Variants in KDM4C observed in about 807,000 individuals in gnomAD.
KDM4C encodes lysine-specific demethylase 4C.
KDM4C carries 81 observed loss-of-function variants against 129.3 expected under a neutral mutation model. That is an observed-to-expected ratio of 0.63 (90% CI 0.52 to 0.75). The LOEUF (loss-of-function observed/expected upper bound fraction) is 0.75, where lower values mean the gene tolerates loss of function less well. Ranked by LOEUF, KDM4C falls within the 30% of genes least tolerant of loss-of-function variation. The pLI is 0.00. For synonymous variants in KDM4C, 573 were observed against 456.1 expected, an observed-to-expected ratio of 1.26 and a Z score of -3.26; for missense variants, 1,457 against 1,304.0, an observed-to-expected ratio of 1.12 and a Z score of -1.81.
At chr9:6,722,520 T>A (rs1229882739) in intron 1 of KDM4C, among the ~76,000 whole-genome samples, 3 of 151,438 alleles carry the variant, frequency 2.0e-5, no homozygotes, top group African/African-American at 4.8e-5. Flanking sequence ...TCTATATATT[T>A]TTTTTTTTTT....
At chr9:6,791,148 A>C (rs767917125) in intron 1 of KDM4C, among the ~76,000 whole-genome samples, 1 of 151,994 alleles carries the variant, frequency 6.6e-6, no homozygotes, top group Non-Finnish European at 1.5e-5. Context: ...GTGTCACTCC[A>C]TCACCCAGGC....
intron 11 of KDM4C, among the ~76,000 whole-genome samples, chr9:6,989,660 A>T (rs527614457): frequency 5.3e-5 from 8 of 150,974 alleles, no homozygotes; most frequent in Middle Eastern, 3.4e-3. Context: ...GTGTTGCAGT[A>T]TTGTCTTCTC....
intron 19 of KDM4C, among the ~76,000 whole-genome samples, chr9:7,140,499 A>G (rs2129856056): frequency 6.6e-6 from 1 of 152,212 alleles, no homozygotes; most frequent in South Asian, 2.1e-4. Flanking sequence ...AGAGTTGGGG[A>G]CTCATAAAGA....
At chr9:6,817,118 G>T (rs1324251079) in intron 4 of KDM4C, among the ~76,000 whole-genome samples, 1 of 151,160 alleles carries the variant, frequency 6.6e-6, no homozygotes, top group African/African-American at 2.4e-5. Context: ...TAACACGAGG[G>T]TTGGGATTTG....
In KDM4C at chr9:6,880,097, T is replaced by C. The variant is rs768425327; in HGVS notation, c.679+36T>C. The C allele has an allele frequency of 1.1e-5, 15 of 1,416,866 alleles. No homozygotes were observed. The Admixed American group carries it at 2.6e-4, about 25-fold the overall frequency. 87.8% of individuals were successfully genotyped at this position (1,416,866 alleles called of 1,614,324 possible). On this transcript the variant is annotated intron_variant, in intron 6 of 21. Coordinates refer to ENST00000381309, the MANE Select transcript of KDM4C (RefSeq NM_015061.6). ...CTTTTTAAATTTGTTTTCTGTGTTT[T>C]ATATGTTTCTGTGTTTTGTAGGTTC...
At chr9:7,014,267 G>A (rs1410517450) in intron 14 of KDM4C, 2 of 341,700 alleles carry the variant, frequency 5.9e-6, no homozygotes, top group Admixed American at 4.4e-5. Context: ...GAGTCATGAT[G>A]GGGTTCCTTT....
In KDM4C at chr9:7,045,434, C is replaced by T. The variant is rs1444611638; in HGVS notation, c.2260-1428C>T. Among the ~76,000 whole-genome samples the T allele has an allele frequency of 2.6e-5, 4 of 152,148 alleles. No individual in the cohort carries two copies. The East Asian group carries it at 7.8e-4, about 29-fold the overall frequency. ...TCATTCATTTTCTTTCTCACCTCCTCTTTCTCTGTAGAAAGTGTGTTAAAT... is the reference window on the plus strand; with the variant it reads ...TCATTCATTTTCTTTCTCACCTCCTTTTTCTCTGTAGAAAGTGTGTTAAAT... On this transcript the variant is annotated intron_variant, in intron 15 of 21. Coordinates refer to ENST00000381309, the MANE Select transcript of KDM4C (RefSeq NM_015061.6).
At chr9:6,746,264 T>TATATA (rs1588058539) in intron 1 of KDM4C, among the ~76,000 whole-genome samples, 41 of 23,294 alleles carry the variant, frequency 1.8e-3, no homozygotes, top group African/African-American at 3.9e-3. Flanking sequence ...ATATATATGT[T>TATATA]TTTTTTTTTT....
intron 8 of KDM4C, among the ~76,000 whole-genome samples, chr9:6,926,194 CTTCCAGGAAAACAT>C (rs1355921411): frequency 6.7e-6 from 1 of 149,836 alleles, no homozygotes; most frequent in Non-Finnish European, 1.5e-5. Flanking sequence ...GGCATTCCTT[CTTCCAGGAAAACAT>C]TTCCTGAGGC....
chr9:7,105,235 C>T (rs553367646), intron 18 of KDM4C, among the ~76,000 whole-genome samples: 1 of 152,212 alleles, frequency 6.6e-6, no homozygotes, highest in African/African-American at 2.4e-5. Flanking sequence ...TATATGAATG[C>T]GTTTTGAGAT....
At chr9:6,885,912 T>C (rs1269352850) in intron 6 of KDM4C, among the ~76,000 whole-genome samples, 2 of 152,256 alleles carry the variant, frequency 1.3e-5, no homozygotes, top group African/African-American at 2.4e-5. Flanking sequence ...GGTTAACTTA[T>C]GACCAGTCAC....
At chr9:6,983,648 A>G (rs560962824) in intron 9 of KDM4C, among the ~76,000 whole-genome samples, 2 of 150,610 alleles carry the variant, frequency 1.3e-5, no homozygotes, top group African/African-American at 2.5e-5. Context: ...TCCTTTCGCT[A>G]TTGATGAATT....
chr9:6,959,820 T>G (rs1394017362), intron 8 of KDM4C, among the ~76,000 whole-genome samples: 1 of 152,158 alleles, frequency 6.6e-6, no homozygotes, highest in East Asian at 1.9e-4. Context: ...AGGAAATGCC[T>G]GTCAACTTAA....
At chr9:6,963,829 C>T (rs10758811) in intron 8 of KDM4C, among the ~76,000 whole-genome samples, 59,404 of 152,008 alleles carry the variant, frequency 0.39, 11,799 homozygotes, top group East Asian at 0.51. Context: ...ATGGTGTTTC[C>T]GCCACCCTGA....
chr9:6,756,706 G>A (rs1312247282), upstream of KDM4C, among the ~76,000 whole-genome samples: 3 of 152,194 alleles, frequency 2.0e-5, no homozygotes, highest in East Asian at 1.9e-4. Flanking sequence ...GACACAGCAA[G>A]ACTCCGTCTC....
At chr9:7,076,855 G>A (rs1446438304) in intron 17 of KDM4C, 4 of 1,001,444 alleles carry the variant, frequency 4.0e-6, no homozygotes, top group South Asian at 4.5e-5. Flanking sequence ...GCTTTCCAAG[G>A]TGCATCAGGT....
At chr9:7,070,431 A>G (rs1587434126) in intron 17 of KDM4C, among the ~76,000 whole-genome samples, 1 of 152,170 alleles carries the variant, frequency 6.6e-6, no homozygotes. Flanking sequence ...TTGCAAAGGA[A>G]AACTGTAGAC....
intron 19 of KDM4C, among the ~76,000 whole-genome samples, chr9:7,136,071 T>C (rs73639819): frequency 0.018 from 2,808 of 152,272 alleles, 91 homozygotes; most frequent in African/African-American, 0.064. Flanking sequence ...AGAAGTCACG[T>C]TGAGGAAGAG....
chr9:7,136,886 G>T (rs1257281215), intron 19 of KDM4C, among the ~76,000 whole-genome samples: 1 of 152,160 alleles, frequency 6.6e-6, no homozygotes, highest in Admixed American at 6.5e-5. Flanking sequence ...AGTTCATGAA[G>T]TTTCATGTCC....
Sources: gnomAD v4.1 joint callset for allele counts (sites outside exome capture counted in the v4.1 genomes callset) on GRCh38, gnomAD v4.1.1 for gene constraint, MANE v1.5 for transcripts, NCBI Gene and HGNC (gene_info 2026-07-23, HGNC 2026-07-21) for gene names.